Variants in KIRREL3 observed in about 807,000 individuals in gnomAD.
KIRREL3 encodes the protein kin of IRRE-like protein 3.
KIRREL3 carries 36 observed loss-of-function variants against 89.7 expected under a neutral mutation model. The observed-to-expected ratio is 0.40, with a 90% confidence interval of 0.31 to 0.53. The LOEUF (loss-of-function observed/expected upper bound fraction) is 0.53, where lower values mean the gene tolerates loss of function less well. KIRREL3 is among the 20% of genes least tolerant of loss of function. The pLI is 0.49. For missense variants in KIRREL3, 864 were observed against 1,056.6 expected (o/e 0.82, Z 2.53); for synonymous variants, 445 against 441.4 (o/e 1.01, Z -0.10).
rs1951063630 is a variant in KIRREL3 at position 126,802,386 on chromosome 11, G to A, written c.55+198069C>T. Among the ~76,000 whole-genome samples the A allele has an allele frequency of 6.6e-6, 1 of 152,142 alleles. No homozygotes were observed. The highest frequency in any genetic ancestry group is 1.5e-5 in the Non-Finnish European group (1 of 68,030). ...GCTATACTGAAGGTCTGTGAATAAT[G>A]GTGATCATTCAATGCCATTAATTAA... On this transcript the variant is annotated intron_variant, in intron 1 of 16. Coordinates refer to ENST00000525144, the MANE Select transcript of KIRREL3 (RefSeq NM_032531.4). This position sits in a 1 kb window ranked among gnomAD's most constrained non-coding sequence, Gnocchi z 5.2.
At chr11:126,846,866 G>A (rs10893590) in intron 1 of KIRREL3, among the ~76,000 whole-genome samples, 129,146 of 152,162 alleles carry the variant, frequency 0.85, 55,007 homozygotes, top group East Asian at 1. Context: ...AAAAAAATTA[G>A]TCTTGTAAAA....
chr11:126,888,019 A>G (rs1945766002), intron 1 of KIRREL3, among the ~76,000 whole-genome samples: 2 of 152,244 alleles, frequency 1.3e-5, no homozygotes, highest in Non-Finnish European at 2.9e-5. Flanking sequence ...TCCTTTAACC[A>G]TAAACAGGAA....
chr11:126,855,819 C>T (rs1944486822), intron 1 of KIRREL3, among the ~76,000 whole-genome samples: 1 of 152,188 alleles, frequency 6.6e-6, no homozygotes, highest in Admixed American at 6.5e-5. Flanking sequence ...CTTTTCCCTC[C>T]CACCACCATC....
At chr11:126,450,394 T>TGAGTGTGTGC (rs1956005753) in intron 7 of KIRREL3, among the ~76,000 whole-genome samples, 1 of 147,514 alleles carries the variant, frequency 6.8e-6, no homozygotes, top group Non-Finnish European at 1.5e-5. Context: ...TGAGTGTGGG[T>TGAGTGTGTGC]ATGTGTGAGT....
Position 126,552,550 on chromosome 11 carries a change from G to GTTTTTTTT in KIRREL3, c.133+10277_133+10284dup, listed in dbSNP as rs59392843. Among the ~76,000 whole-genome samples the GTTTTTTTT allele has an allele frequency of 3.2e-3, 258 of 81,734 alleles. 38 individuals are homozygous for GTTTTTTTT. Among genetic ancestry groups the GTTTTTTTT allele is most frequent in the African/African-American group, 3.5e-3 (83 of 23,478 alleles). The allele number at this position is 81,734 out of a possible 152,430, so 53.6% of individuals were successfully genotyped here. On this transcript the variant is annotated intron_variant, in intron 2 of 16. Coordinates refer to ENST00000525144, the MANE Select transcript of KIRREL3 (RefSeq NM_032531.4). The stretch of plus-strand genomic sequence containing the variant: ...TGCATCACACAGGGGAGAGAGAAAA[G>GTTTTTTTT]TTTTTTTTTTTTTTTTTTTTTTTTT...
In KIRREL3 at chr11:126,898,598, G is replaced by A. The variant is rs896030513; in HGVS notation, c.55+101857C>T. On this transcript the variant is annotated intron_variant, in intron 1 of 16. Coordinates refer to ENST00000525144, the MANE Select transcript of KIRREL3 (RefSeq NM_032531.4). This position sits in a 1 kb window ranked among gnomAD's most constrained non-coding sequence, Gnocchi z 4.9. ...TGAAAGCAGAAACAGAATTATATCT[G>A]TAGCACAATGTCCTTTAGGTAAATT... 1.3e-5 allele frequency among the ~76,000 whole-genome samples: 2 copies of A among 152,200 alleles called. No individual in the cohort carries two copies. Among genetic ancestry groups the A allele is most frequent in the Non-Finnish European group, 2.9e-5 (2 of 68,046 alleles).
intron 2 of KIRREL3, among the ~76,000 whole-genome samples, chr11:126,548,141 C>T (rs555131680): frequency 9.9e-5 from 15 of 152,280 alleles, no homozygotes; most frequent in East Asian, 5.8e-4. Flanking sequence ...CAGTCCTCCA[C>T]GAGCCTGTCA....
At chr11:126,511,745 C>T (rs1278935282) in intron 4 of KIRREL3, among the ~76,000 whole-genome samples, 10 of 152,204 alleles carry the variant, frequency 6.6e-5, no homozygotes, top group Non-Finnish European at 1.2e-4. Flanking sequence ...CACTGGCTGC[C>T]GGGGGGAAGG....
chr11:126,598,473 T>C (rs1178996490), intron 1 of KIRREL3, among the ~76,000 whole-genome samples: 1 of 152,194 alleles, frequency 6.6e-6, no homozygotes, highest in Non-Finnish European at 1.5e-5. Flanking sequence ...AGATGGCTGA[T>C]TCACCTGGGA....
At position 126,521,676 on chromosome 11, in the gene KIRREL3, ATG is replaced by A. The variant is rs55838363; in HGVS notation, c.284-214_284-213del. 1.5e-3 allele frequency among the ~76,000 whole-genome samples: 212 copies of A among 143,606 alleles called. 1 individual carries two copies. The highest frequency in any genetic ancestry group is 4.8e-3 in the South Asian group (20 of 4,206). The allele number at this position is 143,606 out of a possible 152,430, so 94.2% of individuals were successfully genotyped here. A position where few individuals can be genotyped will look rare whatever the true frequency, so the allele number is the denominator to read the frequency against. On this transcript the variant is annotated intron_variant, in intron 3 of 16. Transcript: ENST00000525144. This position sits in a 1 kb window ranked among gnomAD's most constrained non-coding sequence, Gnocchi z 4.1. ...GTTGGTTCTCTCTCTCTCTCTCTGT[ATG>A]TGTGTGTGTGTGTGTGTGTGTGTGT...
At chr11:126,971,318 A>G (rs920172656) in intron 1 of KIRREL3, among the ~76,000 whole-genome samples, 7 of 152,208 alleles carry the variant, frequency 4.6e-5, no homozygotes, top group African/African-American at 1.7e-4. Flanking sequence ...TTTCCCAGCT[A>G]TAACCTGAGA....
rs986937934 is a variant in KIRREL3, at chr11:126,640,902, G to A, written c.56-77990C>T. The stretch of plus-strand genomic sequence containing the variant: ...TCTCAATCTTATGGCTTTAAACACC[G>A]ACTCTACTCTGATGTCTCTCAATTT... On this transcript the variant is annotated intron_variant, in intron 1 of 16. Coordinates refer to ENST00000525144, the MANE Select transcript of KIRREL3 (RefSeq NM_032531.4). The surrounding 1 kb of genome is among the most constrained non-coding windows in gnomAD (Gnocchi z 4.9). 3.3e-5 allele frequency among the ~76,000 whole-genome samples: 5 copies of A among 152,074 alleles called. No homozygotes were observed. The highest frequency in any genetic ancestry group is 6.5e-5 in the Admixed American group (1 of 15,274).
chr11:126,451,078 T>C (rs1265988113), intron 7 of KIRREL3, among the ~76,000 whole-genome samples: 6 of 145,316 alleles, frequency 4.1e-5, no homozygotes, highest in East Asian at 4.4e-4. Flanking sequence ...TGCATGTGTG[T>C]GCGTGTGTGC....
At position 126,686,453 on chromosome 11, in the gene KIRREL3, A is replaced by G. The variant is rs924832027; in HGVS notation, c.56-123541T>C. On this transcript the variant is annotated intron_variant, in intron 1 of 16. Transcript: ENST00000525144. The surrounding 1 kb of genome is among the most constrained non-coding windows in gnomAD (Gnocchi z 4.7). Reference sequence around the variant, plus strand: ...GTGGGTCTGTGGAAGAGAATGGAAGATACACAAAGGAAGGGAGTCCCAAGC... The same window carrying G: ...GTGGGTCTGTGGAAGAGAATGGAAGGTACACAAAGGAAGGGAGTCCCAAGC... 3.9e-5 allele frequency among the ~76,000 whole-genome samples: 6 copies of G among 151,998 alleles called. No homozygotes were observed. The highest frequency in any genetic ancestry group is 8.8e-5 in the Non-Finnish European group (6 of 67,996).
rs1033979079 is a variant in KIRREL3, at chr11:126,431,608, G to A, written c.1589-82C>T. On this transcript the variant is annotated intron_variant, in intron 13 of 16. Coordinates refer to ENST00000525144, the MANE Select transcript of KIRREL3 (RefSeq NM_032531.4). This position sits in a 1 kb window ranked among gnomAD's most constrained non-coding sequence, Gnocchi z 7.1. ...CCATGATCTCACCCCGTTCCTGCGG[G>A]GGCAGCCCCTGCCACATGGGGCCCT... 1.4e-6 allele frequency: 2 copies of A among 1,398,452 alleles called. No individual in the cohort carries two copies. The highest frequency in any genetic ancestry group is 2.0e-6 in the Non-Finnish European group (2 of 1,018,292). 86.6% of individuals were successfully genotyped at this position (1,398,452 alleles called of 1,614,324 possible). A position where few individuals can be genotyped will look rare whatever the true frequency, so the allele number is the denominator to read the frequency against.
intron 1 of KIRREL3, among the ~76,000 whole-genome samples, chr11:126,688,552 G>A (rs1650239988): frequency 6.6e-6 from 1 of 152,078 alleles, no homozygotes; most frequent in African/African-American, 2.4e-5. Flanking sequence ...ATAATAAAAG[G>A]AGAGAGTTAG....
intron 9 of KIRREL3, 81 bp downstream of exon 9, chr11:126,446,678 G>C (rs1345361782): frequency 9.2e-6 from 13 of 1,419,378 alleles, no homozygotes; most frequent in Non-Finnish European, 1.1e-5. Context: ...ATAGTGAGAG[G>C]GGCCTGGGCA....
At chr11:126,746,072 T>C (rs1949139076) in intron 1 of KIRREL3, among the ~76,000 whole-genome samples, 1 of 152,198 alleles carries the variant, frequency 6.6e-6, no homozygotes, top group South Asian at 2.1e-4. Context: ...CTGCTTTTTG[T>C]TAGGTTTCTT....
In KIRREL3 at chr11:126,535,950, A is replaced by G. The variant is rs1937828365; in HGVS notation, c.134-9263T>C. On this transcript the variant is annotated intron_variant, in intron 2 of 16. Transcript: ENST00000525144. The surrounding 1 kb of genome is among the most constrained non-coding windows in gnomAD (Gnocchi z 4.5). The stretch of plus-strand genomic sequence containing the variant: ...CAGTGAGCCAAGATCGCACCATTGC[A>G]CTCCAGCCTAGGGGACAGAGTGAGA... 6.6e-6 allele frequency among the ~76,000 whole-genome samples: 1 copy of G among 152,054 alleles called. No homozygotes were observed. Among genetic ancestry groups the G allele is most frequent in the East Asian group, 1.9e-4 (1 of 5,182 alleles).
Sources: allele counts gnomAD v4.1 joint callset (sites outside exome capture counted in the v4.1 genomes callset), GRCh38; gene constraint gnomAD v4.1.1; non-coding constraint Gnocchi (gnomAD v3.1); transcripts MANE v1.5; gene names NCBI Gene and HGNC (gene_info 2026-07-23, HGNC 2026-07-21).